The following YBEY variants were observed in gnomAD, a reference collection of about 807,000 sequenced individuals.
The protein encoded by YBEY is ybeY metalloendoribonuclease.
A neutral mutation model predicts 13.5 loss-of-function variants in YBEY; 15 were observed. The observed-to-expected ratio is 1.11, with a 90% CI of 0.75 to 1.72. The LOEUF (loss-of-function observed/expected upper bound fraction) is 1.72, where lower values mean the gene tolerates loss of function less well. Among genes scored for constraint, YBEY ranks in the 40% most tolerant of loss-of-function variants. The probability of loss-of-function intolerance (pLI) is 0.00; values close to 1 mark genes in which losing one functional copy is unlikely to be tolerated. For missense variants in YBEY, 244 were observed against 208.4 expected (o/e 1.17, Z -1.05); for synonymous variants, 101 against 83.1 (o/e 1.21, Z -1.17).
chr21:46,295,802 C>T (rs989751452), intron 3 of YBEY, among the ~76,000 whole-genome samples: 2 of 152,054 alleles, frequency 1.3e-5, no homozygotes, highest in Admixed American at 6.5e-5. Context: ...CACCCCTGGC[C>T]GGTGCCCCAC....
chr21:46,312,952 A>AT, the YBEY span: 1 of 979,378 alleles, frequency 1.0e-6, no homozygotes, highest in Non-Finnish European at 1.2e-6. Context: ...GTGAAAATAA[A>AT]TTATAGCCAA....
At position 46,294,660 on chromosome 21, in the gene YBEY, G is replaced by A. The variant is rs558504885; in HGVS notation, c.340-1502G>A. Among the ~76,000 whole-genome samples, 17 of 119,438 alleles carry A rather than the reference G, an allele frequency of 1.4e-4. 2 individuals carry two copies. The highest frequency in any genetic ancestry group is 4.1e-4 in the African/African-American group (15 of 36,632). The allele number at this position is 119,438 out of a possible 152,430, so 78.4% of individuals were successfully genotyped here. The stretch of plus-strand genomic sequence containing the variant: ...AGACTCTAGATTAAATTCCTCCCGC[G>A]GTTAGCCTGACCCGTGCCCGGGACT... On this transcript the variant is annotated intron_variant, in intron 3 of 4. Coordinates refer to ENST00000397701, the MANE Select transcript of YBEY (RefSeq NM_001314025.2).
At chr21:46,294,465 A>C in intron 3 of YBEY, among the ~76,000 whole-genome samples, 1 of 68,212 alleles carries the variant, frequency 1.5e-5, no homozygotes, top group African/African-American at 5.9e-5. Flanking sequence ...CCCGGGACTC[A>C]GTGGGGACAG....
At position 46,296,180 on chromosome 21, in the gene YBEY, C is replaced by CT. The variant is rs756220300; in HGVS notation, c.359dup (p.Cys121LeufsTer74). 3 of 1,613,730 alleles carry CT rather than the reference C, an allele frequency of 1.9e-6. No homozygotes were observed. In the African/African-American group the frequency reaches 4.0e-5, roughly 22 times the overall value. ...CTGACAGGTGACGGCCACCCACGGACTCTGTCACTTGCTGGGATTCACACA... is the reference window on the plus strand; with the variant it reads ...CTGACAGGTGACGGCCACCCACGGACTTCTGTCACTTGCTGGGATTCACACA... On this transcript the variant is annotated frameshift_variant, in exon 4 of 5. Coordinates refer to ENST00000397701, the MANE Select transcript of YBEY (RefSeq NM_001314025.2). LOFTEE classifies it high-confidence loss of function.
intron 3 of YBEY, among the ~76,000 whole-genome samples, chr21:46,295,557 C>T (rs1428543711): frequency 6.6e-6 from 1 of 152,072 alleles, no homozygotes; most frequent in Non-Finnish European, 1.5e-5. Flanking sequence ...GGCTTTAATC[C>T]AGCCCTCTCT....
downstream of YBEY, chr21:46,302,166 G>A (rs577517869): frequency 5.4e-5 from 79 of 1,464,448 alleles, no homozygotes; most frequent in African/African-American, 4.5e-4. Flanking sequence ...TGCCACAGAC[G>A]CACCTGCTGC....
downstream of YBEY, among the ~76,000 whole-genome samples, chr21:46,297,972 T>C (rs1384979944): frequency 1.2e-4 from 17 of 136,446 alleles, no homozygotes; most frequent in Admixed American, 1.3e-3. Flanking sequence ...TAGAAAAGGC[T>C]TGCGTCAGTA....
downstream of YBEY, chr21:46,301,223 C>G (rs2082096378): frequency 2.7e-6 from 1 of 365,904 alleles, no homozygotes; most frequent in Non-Finnish European, 3.8e-6. Flanking sequence ...CTCACTGCAG[C>G]TTCTAACTCC....
intron 3 of YBEY, 59 bp from the exon 4 acceptor site, chr21:46,296,103 C>G (rs1375468554): frequency 6.2e-7 from 1 of 1,605,706 alleles, no homozygotes; most frequent in South Asian, 1.1e-5. Flanking sequence ...TGGGGTGGCC[C>G]TGAAGGGGCA....
chr21:46,302,673 G>A, downstream of YBEY: 1 of 957,950 alleles, frequency 1.0e-6, no homozygotes, highest in Non-Finnish European at 1.6e-6. Flanking sequence ...AGGTGTGTCT[G>A]TACACTGTGC....
At position 46,297,716 on chromosome 21, in the gene YBEY, T is replaced by C; in HGVS notation, c.*82T>C. The C allele has an allele frequency of 8.0e-7, 1 of 1,255,272 alleles. No individual in the cohort carries two copies. Among genetic ancestry groups the C allele is most frequent in the Non-Finnish European group, 1.0e-6 (1 of 991,566 alleles). The allele number at this position is 1,255,272 out of a possible 1,614,324, so 77.8% of individuals were successfully genotyped here. A position where few individuals can be genotyped will look rare whatever the true frequency, so the allele number is the denominator to read the frequency against. ...GGGTCGCACACGAATAAATAACGAA[T>C]GAACGTACGAGGGGAACCTCCTCTT... On this transcript the variant is annotated 3_prime_UTR_variant, in exon 5 of 5. Coordinates refer to ENST00000397701, the MANE Select transcript of YBEY (RefSeq NM_001314025.2).
chr21:46,298,488 G>C (rs1413099707), downstream of YBEY, among the ~76,000 whole-genome samples: 1 of 129,794 alleles, frequency 7.7e-6, no homozygotes, highest in Non-Finnish European at 1.6e-5. Flanking sequence ...GAGTGCAGTG[G>C]TGCGATCTCG....
downstream of YBEY, chr21:46,300,254 A>G (rs2145867220): frequency 6.5e-6 from 1 of 153,636 alleles, no homozygotes; most frequent in African/African-American, 2.4e-5. Context: ...ACACAGTGAA[A>G]CCCCGTCTCT....
the YBEY span, chr21:46,312,945 A>C: frequency 1.0e-6 from 1 of 973,742 alleles, no homozygotes; most frequent in Non-Finnish European, 1.2e-6. Flanking sequence ...CCTCTGAGTG[A>C]AAATAAATTA....
the YBEY span, chr21:46,312,890 G>A: frequency 1.8e-6 from 1 of 548,852 alleles, no homozygotes; most frequent in Non-Finnish European, 2.3e-6. Context: ...ATCATATACT[G>A]TAGTACATAT....
intron 3 of YBEY, among the ~76,000 whole-genome samples, chr21:46,295,672 C>T (rs1569103498): frequency 6.6e-6 from 1 of 152,112 alleles, no homozygotes; most frequent in Non-Finnish European, 1.5e-5. Context: ...TGCCTGTGCC[C>T]CAAAGCTCTA....
At chr21:46,311,166 G>T in the YBEY span, among the ~76,000 whole-genome samples, 1 of 151,962 alleles carries the variant, frequency 6.6e-6, no homozygotes, top group Non-Finnish European at 1.5e-5. Flanking sequence ...CACCGAGCCG[G>T]GCCCTAAAAA....
the YBEY span, among the ~76,000 whole-genome samples, chr21:46,304,188 G>A: frequency 2.7e-5 from 4 of 149,918 alleles, no homozygotes; most frequent in East Asian, 2.0e-4. Flanking sequence ...CACCACGCCC[G>A]GCTAATTTTG....
chr21:46,300,548 A>G, downstream of YBEY: 3 of 742,294 alleles, frequency 4.0e-6, no homozygotes, highest in Non-Finnish European at 5.3e-6. Context: ...GAGTCTCTGG[A>G]ATCACCTTCA....
Sources: allele counts gnomAD v4.1 joint callset (sites outside exome capture counted in the v4.1 genomes callset), GRCh38; gene constraint gnomAD v4.1.1; transcripts MANE v1.5; gene names NCBI Gene and HGNC (gene_info 2026-07-23, HGNC 2026-07-21).